ITGA11: variants seen among roughly 807,000 people sequenced by gnomAD.
The protein encoded by ITGA11 is integrin subunit alpha 11.
ITGA11 carries 97 observed loss-of-function variants against 141.9 expected under a neutral mutation model. The observed-to-expected ratio is 0.68, with a 90% CI of 0.58 to 0.81. ITGA11 has a LOEUF of 0.81. Among genes scored for constraint, ITGA11 ranks in the 30% least tolerant of loss-of-function variants. The pLI is 0.00. For missense variants in ITGA11, 1,387 were observed against 1,559.2 expected, an observed-to-expected ratio of 0.89 and a Z score of 1.86; for synonymous variants, 658 against 624.6, an observed-to-expected ratio of 1.05 and a Z score of -0.80.
chr15:68,380,820 G>T (rs1206371536), intron 2 of ITGA11, among the ~76,000 whole-genome samples: 2 of 152,148 alleles, frequency 1.3e-5, no homozygotes, highest in Non-Finnish European at 2.9e-5. Flanking sequence ...ATCCTCAACA[G>T]GTTCATCCCT....
chr15:68,409,302 T>C (rs1896715595), intron 1 of ITGA11, among the ~76,000 whole-genome samples: 1 of 152,196 alleles, frequency 6.6e-6, no homozygotes, highest in Non-Finnish European at 1.5e-5. Flanking sequence ...TCTTAGGTTA[T>C]ATGCTATTCA....
In ITGA11 at chr15:68,400,885, A is replaced by AAATATTATATTATATAATATAT. The variant is rs1896485594; in HGVS notation, c.164+2032_164+2033insATATATTATATAATATAATATT. On this transcript the variant is annotated intron_variant, in intron 2 of 29. Transcript: ENST00000315757. ...AATATAATATTATATATTATATAAT[A>AAATATTATATTATATAATATAT]AATATTATAATATTATATATTATAT... Among the ~76,000 whole-genome samples the AAATATTATATTATATAATATAT allele has an allele frequency of 1.2e-4, 10 of 86,356 alleles. 1 individual carries two copies. The highest frequency in any genetic ancestry group is 3.3e-4 in the African/African-American group (6 of 18,416). 56.7% of individuals were successfully genotyped at this position (86,356 alleles called of 152,430 possible).
intron 1 of ITGA11, among the ~76,000 whole-genome samples, chr15:68,427,468 T>C (rs1186972349): frequency 6.6e-6 from 1 of 152,136 alleles, no homozygotes; most frequent in Non-Finnish European, 1.5e-5. Flanking sequence ...CCTAAGCCCA[T>C]GCACATGCCA....
At chr15:68,357,442 AC>A in intron 6 of ITGA11, 143 bp from the exon 7 acceptor site, 1 of 976,934 alleles carries the variant, frequency 1.0e-6, no homozygotes, top group Non-Finnish European at 1.5e-6. Context: ...CAAGAAAGTA[AC>A]CACAGCCAAA....
chr15:68,312,951 G>A (rs1313324108), intron 23 of ITGA11, 88 bp from the exon 24 acceptor site: 15 of 940,478 alleles, frequency 1.6e-5, no homozygotes, highest in South Asian at 8.6e-5. Flanking sequence ...GGCATGTGCC[G>A]GCCTCCCCCG....
At position 68,328,605 on chromosome 15, in the gene ITGA11, T is replaced by A. The variant is rs112722163; in HGVS notation, c.1902-343A>T. ...TGGTTCCCCACCCTGGATGCACATG[T>A]GAGTCATCTGAAGAGCTTAAAAAAA... On this transcript the variant is annotated intron_variant, in intron 15 of 29. Coordinates refer to ENST00000315757, the MANE Select transcript of ITGA11 (RefSeq NM_001004439.2). This position sits in a 1 kb window ranked among gnomAD's most constrained non-coding sequence, Gnocchi z 4.8. Among the ~76,000 whole-genome samples the A allele has an allele frequency of 3.9e-5, 6 of 152,278 alleles. No individual in the cohort carries two copies. Among genetic ancestry groups the A allele is most frequent in the African/African-American group, 1.4e-4 (6 of 41,552 alleles).
rs1893179754 is a variant in ITGA11, at chr15:68,305,998, AAC to A, written c.3381+1348_3381+1349del. ...TCAGGAGATCGAGACCATCCTGGCT[AAC>A]ACAGTGAAACCCTGTCTCTACTAAA... On this transcript the variant is annotated intron_variant, in intron 28 of 29. Transcript: ENST00000315757. The surrounding 1 kb of genome is among the most constrained non-coding windows in gnomAD (Gnocchi z 4.6). 1.3e-5 allele frequency among the ~76,000 whole-genome samples: 2 copies of A among 149,880 alleles called. No individual in the cohort carries two copies. Among genetic ancestry groups the A allele is most frequent in the African/African-American group, 2.5e-5 (1 of 40,358 alleles).
At chr15:68,404,292 G>A (rs541097502) in intron 1 of ITGA11, among the ~76,000 whole-genome samples, 9 of 152,072 alleles carry the variant, frequency 5.9e-5, no homozygotes, top group Admixed American at 3.9e-4. Context: ...ACAAAGCTCC[G>A]TCTGGCTTCG....
In ITGA11 at chr15:68,351,337, C is replaced by G; in HGVS notation, c.815G>C (p.Gly272Ala). Residue 272 changes from glycine (G) to alanine (A), a missense_variant, in exon 8 of 30, where the codon GGG becomes GCG. Gly to Ala is a moderately conservative substitution (Grantham distance 60, BLOSUM62 0). Transcript: ENST00000315757. ...CAGGTCTGGGCTGTCGTGGGACTCC[C>G]CATCTGTGATGACAATCATCACCTT... Reference protein sequence around the residue: ...AKKVMIVITDGESHDSPDLEK... With the variant: ...AKKVMIVITDAESHDSPDLEK... 6.2e-7 allele frequency: 1 copy of G among 1,613,994 alleles called. No individual in the cohort carries two copies. Among genetic ancestry groups the G allele is most frequent in the Non-Finnish European group, 8.5e-7 (1 of 1,179,872 alleles).
intron 12 of ITGA11, among the ~76,000 whole-genome samples, chr15:68,334,373 G>T (rs762615897): frequency 2.6e-5 from 4 of 152,206 alleles, no homozygotes; most frequent in Non-Finnish European, 4.4e-5. Context: ...TCAGAGAATT[G>T]CTTGCCCAAG....
intron 2 of ITGA11, among the ~76,000 whole-genome samples, chr15:68,379,633 C>G (rs1054364897): frequency 2.0e-5 from 3 of 152,228 alleles, no homozygotes; most frequent in Non-Finnish European, 4.4e-5. Context: ...CTTGGCCCAG[C>G]TCTCTCAGGA....
chr15:68,424,280 C>A (rs530556474), intron 1 of ITGA11, among the ~76,000 whole-genome samples: 8 of 152,340 alleles, frequency 5.3e-5, no homozygotes, highest in Non-Finnish European at 7.3e-5. Context: ...GCAGGCTGGG[C>A]AGTTCCAGAA....
intron 11 of ITGA11, 48 bp downstream of exon 11, chr15:68,339,452 C>A (rs1246211264): frequency 6.4e-7 from 1 of 1,570,342 alleles, no homozygotes; most frequent in Non-Finnish European, 8.6e-7. Context: ...CCCCTGGGTG[C>A]CCTCCCGGCC....
rs1391792000 is a variant in ITGA11 at position 68,335,787 on chromosome 15, G to GC, written c.1334_1335insG (p.Arg447ProfsTer37). ...CCTTGCCCGTGTGGTTGAACCGGGG[G>GC]GCTCCGGCCACGTACACCCGCCCCT... is the stretch of plus-strand genomic sequence containing the variant. On this transcript the variant is annotated frameshift_variant, in exon 12 of 30. Coordinates refer to ENST00000315757, the MANE Select transcript of ITGA11 (RefSeq NM_001004439.2). LOFTEE classifies it high-confidence loss of function. The surrounding 1 kb of genome is among the most constrained non-coding windows in gnomAD (Gnocchi z 4.9). 6 of 1,613,466 alleles carry GC rather than the reference G, an allele frequency of 3.7e-6. No homozygotes were observed. Among genetic ancestry groups the GC allele is most frequent in the African/African-American group, 1.3e-5 (1 of 74,928 alleles).
At chr15:68,306,329 G>C (rs1023426759) in intron 28 of ITGA11, among the ~76,000 whole-genome samples, 6 of 152,168 alleles carry the variant, frequency 3.9e-5, no homozygotes, top group African/African-American at 7.2e-5. Flanking sequence ...CTCTCTCTGT[G>C]TGTGTGAGCA....
chr15:68,350,601 A>G lies in ITGA11; in HGVS notation c.1060+16T>C. On this transcript the variant is annotated intron_variant, in intron 9 of 29. Transcript: ENST00000315757. ...CCCAGGAGAGAGTGGATCCCCTCTT[A>G]GCATGCATTGCTTACCTTCCAGGCT... 1 of 1,609,474 alleles carries G rather than the reference A, an allele frequency of 6.2e-7. No homozygotes were observed. Among genetic ancestry groups the G allele is most frequent in the African/African-American group, 1.3e-5 (1 of 74,928 alleles).
chr15:68,301,721 A>G lies in ITGA11; in HGVS notation c.*1338T>C, dbSNP rs770283206. ...GTGCTTGGTTGTTTTTAAACACTGT[A>G]TTTTTAATTTTTCAAAAATACGACA... On this transcript the variant is annotated 3_prime_UTR_variant, in exon 30 of 30. Transcript: ENST00000315757. The surrounding 1 kb of genome is among the most constrained non-coding windows in gnomAD (Gnocchi z 4.4). 4 of 152,496 alleles carry G rather than the reference A, an allele frequency of 2.6e-5. No individual in the cohort carries two copies. The highest frequency in any genetic ancestry group is 4.4e-5 in the Non-Finnish European group (3 of 68,022). 9.4% of individuals were successfully genotyped at this position (152,496 alleles called of 1,614,324 possible). A position where few individuals can be genotyped will look rare whatever the true frequency, so the allele number is the denominator to read the frequency against.
intron 1 of ITGA11, 68 bp downstream of exon 1, chr15:68,431,947 G>A (rs975638266): frequency 1.8e-6 from 2 of 1,128,618 alleles, no homozygotes; most frequent in Non-Finnish European, 2.3e-6. Flanking sequence ...CCTGGCCGCT[G>A]GATCCAAGCC....
chr15:68,425,348 A>G (rs1897118840), intron 1 of ITGA11, among the ~76,000 whole-genome samples: 1 of 152,182 alleles, frequency 6.6e-6, no homozygotes. Context: ...TCACATTTTC[A>G]TTTTGCACTG....
Sources: allele counts gnomAD v4.1 joint callset (sites outside exome capture counted in the v4.1 genomes callset), GRCh38; gene constraint gnomAD v4.1.1; non-coding constraint Gnocchi (gnomAD v3.1); transcripts MANE v1.5; gene names NCBI Gene and HGNC (gene_info 2026-07-23, HGNC 2026-07-21).